Variants in RALY observed in about 807,000 individuals in gnomAD.
RALY encodes the protein RNA-binding protein Raly.
Under a neutral mutation model 30.7 loss-of-function variants are expected in RALY, and 15 were observed. That is an observed-to-expected ratio of 0.49 (90% confidence interval 0.33 to 0.75). The LOEUF (loss-of-function observed/expected upper bound fraction) is 0.75. Among genes scored for constraint, RALY ranks in the 30% least tolerant of loss-of-function variants. The pLI, the probability that RALY is intolerant of heterozygous loss-of-function variation, is 0.02. For synonymous variants in RALY, 177 were observed against 170.8 expected (o/e 1.04, Z -0.28); for missense variants, 339 against 414.3 (o/e 0.82, Z 1.58).
intron 1 of RALY, among the ~76,000 whole-genome samples, chr20:34,031,131 G>A (rs538017721): frequency 3.5e-4 from 48 of 136,828 alleles, no homozygotes; most frequent in African/African-American, 1.3e-3. Flanking sequence ...TGGAACCTCC[G>A]CCTCCCAGGT....
chr20:34,079,006 T>C (rs2033971698), intron 9 of RALY, among the ~76,000 whole-genome samples: 2 of 152,326 alleles, frequency 1.3e-5, no homozygotes, highest in South Asian at 4.1e-4. Flanking sequence ...CATACAGAGC[T>C]GTGACAGTCC....
At chr20:34,002,500 CT>C (rs1490463325) in intron 1 of RALY, among the ~76,000 whole-genome samples, 2 of 152,222 alleles carry the variant, frequency 1.3e-5, no homozygotes, top group Admixed American at 1.3e-4. Context: ...CAAATCCAGC[CT>C]GCCGCCCTGG....
intron 2 of RALY, among the ~76,000 whole-genome samples, chr20:34,068,897 T>G (rs2033650571): frequency 6.6e-6 from 1 of 152,186 alleles, no homozygotes; most frequent in Non-Finnish European, 1.5e-5. Flanking sequence ...TCCACACAAC[T>G]GTAGCACATC....
intron 2 of RALY, among the ~76,000 whole-genome samples, chr20:34,069,267 G>T (rs2033660961): frequency 6.6e-6 from 1 of 152,200 alleles, no homozygotes; most frequent in African/African-American, 2.4e-5. Context: ...TTTAGGGTTT[G>T]CAAAGTCCTT....
chr20:34,043,031 C>T (rs1340509881), intron 2 of RALY, among the ~76,000 whole-genome samples: 3 of 152,242 alleles, frequency 2.0e-5, no homozygotes, highest in Admixed American at 1.3e-4. Context: ...CTAGAGCCAT[C>T]CCAACCCAGG....
At chr20:34,011,274 C>T (rs1052297677) in intron 1 of RALY, among the ~76,000 whole-genome samples, 1 of 152,132 alleles carries the variant, frequency 6.6e-6, no homozygotes, top group Non-Finnish European at 1.5e-5. Flanking sequence ...AGGATTATAG[C>T]AGGCCCTTTG....
At chr20:34,054,565 C>T (rs1008930076) in intron 2 of RALY, among the ~76,000 whole-genome samples, 11 of 152,214 alleles carry the variant, frequency 7.2e-5, no homozygotes, top group Admixed American at 5.2e-4. Context: ...GTGGCTCAAG[C>T]CTGTAATCCC....
intron 2 of RALY, chr20:34,033,220 T>G (rs1474335068): frequency 6.6e-6 from 1 of 152,230 alleles, no homozygotes; most frequent in East Asian, 1.9e-4. Context: ...ACGTCTCATG[T>G]GTGTACTCCT....
At chr20:34,006,414 T>A (rs1187051448) in intron 1 of RALY, among the ~76,000 whole-genome samples, 2 of 152,202 alleles carry the variant, frequency 1.3e-5, no homozygotes, top group Non-Finnish European at 2.9e-5. Flanking sequence ...AAAATCAAAA[T>A]CCAGATGATC....
intron 1 of RALY, among the ~76,000 whole-genome samples, chr20:34,018,440 T>G (rs2031688681): frequency 6.6e-6 from 1 of 152,176 alleles, no homozygotes; most frequent in African/African-American, 2.4e-5. Flanking sequence ...TGGCAAAATC[T>G]TCTGCTTCAC....
intron 1 of RALY, among the ~76,000 whole-genome samples, chr20:33,996,621 T>TA (rs11480409): frequency 0.093 from 13,969 of 150,380 alleles, 2,111 homozygotes; most frequent in African/African-American, 0.32. Flanking sequence ...ATGCTTTTTT[T>TA]AAAAAAAAAA....
intron 2 of RALY, chr20:34,033,279 A>G (rs1450041522): frequency 2.0e-5 from 3 of 152,254 alleles, no homozygotes; most frequent in Non-Finnish European, 4.4e-5. Context: ...CAAGTTGGAA[A>G]ACTTTGTGAA....
At chr20:34,034,312 C>G (rs1468144419) in intron 2 of RALY, among the ~76,000 whole-genome samples, 1 of 152,212 alleles carries the variant, frequency 6.6e-6, no homozygotes, top group Non-Finnish European at 1.5e-5. Flanking sequence ...AATGGACATT[C>G]TGTTCTTCTG....
intron 2 of RALY, among the ~76,000 whole-genome samples, chr20:34,056,998 T>A (rs1030950919): frequency 6.6e-6 from 1 of 152,110 alleles, no homozygotes; most frequent in African/African-American, 2.4e-5. Context: ...TAGTGAGAAA[T>A]TGGAAAAAGC....
intron 1 of RALY, among the ~76,000 whole-genome samples, chr20:34,013,253 A>T (rs1568654648): frequency 6.7e-6 from 1 of 149,306 alleles, no homozygotes; most frequent in Non-Finnish European, 1.5e-5. Context: ...AAACAAAATA[A>T]AAAAAAAAAC....
intron 2 of RALY, among the ~76,000 whole-genome samples, chr20:34,056,987 A>T (rs898718162): frequency 6.6e-6 from 1 of 152,244 alleles, no homozygotes; most frequent in Admixed American, 6.5e-5. Flanking sequence ...ATTGTTTATA[A>T]TAGTGAGAAA....
At chr20:34,046,811 CT>C (rs2032895766) in intron 2 of RALY, among the ~76,000 whole-genome samples, 1 of 131,182 alleles carries the variant, frequency 7.6e-6, no homozygotes, top group Admixed American at 8.2e-5. Flanking sequence ...TGGACCTCCA[CT>C]CTTTTTTTTT....
At chr20:34,075,792 A>T in intron 5 of RALY, 82 bp from the exon 6 acceptor site, 1 of 1,452,018 alleles carries the variant, frequency 6.9e-7, no homozygotes. Context: ...CTCACCAGCC[A>T]CACACGTTTG....
rs192757216 is a variant in RALY at position 34,048,574 on chromosome 20, C to A, written c.-10+16970C>A. Among the ~76,000 whole-genome samples, 11 of 152,148 alleles carry A rather than the reference C, an allele frequency of 7.2e-5. No individual in the cohort carries two copies. The South Asian group carries it at 1.5e-3, about 20-fold the overall frequency. Reference sequence around the variant, plus strand: ...TTCCAGGTCAAGAATATTTTCTCTGCGGCCGGGCGTGGTGGCTCACGCCTG... The same window carrying A: ...TTCCAGGTCAAGAATATTTTCTCTGAGGCCGGGCGTGGTGGCTCACGCCTG... On this transcript the variant is annotated intron_variant, in intron 2 of 9. Coordinates refer to ENST00000246194, the MANE Select transcript of RALY (RefSeq NM_016732.3).
Sources: allele counts gnomAD v4.1 joint callset (sites outside exome capture counted in the v4.1 genomes callset), GRCh38; gene constraint gnomAD v4.1.1; transcripts MANE v1.5; gene names NCBI Gene and HGNC (gene_info 2026-07-23, HGNC 2026-07-21).